The following CDC73 variants were observed in gnomAD, a reference collection of about 807,000 sequenced individuals.
The protein encoded by CDC73 is cell division cycle 73.
CDC73 carries 21 observed loss-of-function variants against 83.7 expected under a neutral mutation model. The observed-to-expected ratio is 0.25, with a 90% CI of 0.18 to 0.36. The LOEUF (loss-of-function observed/expected upper bound fraction) is 0.36. CDC73 is among the 10% of genes least tolerant of loss of function. The pLI is 1.00. For synonymous variants in CDC73, 224 were observed against 212.9 expected, an observed-to-expected ratio of 1.05 and a Z score of -0.45; for missense variants, 342 against 653.3, an observed-to-expected ratio of 0.52 and a Z score of 5.19.
At chr1:193,219,539 T>C (rs1453170729) in intron 13 of CDC73, among the ~76,000 whole-genome samples, 2 of 152,142 alleles carry the variant, frequency 1.3e-5, no homozygotes, top group Non-Finnish European at 2.9e-5. Flanking sequence ...GGTACATACA[T>C]GCCACGGAAT....
At chr1:193,163,151 T>TTGTGTG (rs57194967) in intron 10 of CDC73, among the ~76,000 whole-genome samples, 3 of 39,826 alleles carry the variant, frequency 7.5e-5, no homozygotes, top group South Asian at 1.7e-3. Context: ...CTTTGTGGGG[T>TTGTGTG]TGTGTGTGTG....
intron 15 of CDC73, among the ~76,000 whole-genome samples, chr1:193,239,354 A>G (rs138876876): frequency 6.6e-6 from 1 of 152,172 alleles, no homozygotes; most frequent in African/African-American, 2.4e-5. Context: ...ATTACACTGT[A>G]CAGCATTGGG....
At chr1:193,205,815 G>A (rs530943278) in intron 11 of CDC73, among the ~76,000 whole-genome samples, 1 of 152,284 alleles carries the variant, frequency 6.6e-6, no homozygotes, top group African/African-American at 2.4e-5. Flanking sequence ...GAAGAAAAAA[G>A]TGAAGGAAAT....
intron 10 of CDC73, among the ~76,000 whole-genome samples, chr1:193,171,955 T>C (rs542547719): frequency 2.6e-5 from 4 of 152,204 alleles, no homozygotes; most frequent in African/African-American, 7.2e-5. Flanking sequence ...TGAGACAGAG[T>C]CTTTCTCTGT....
chr1:193,139,815 G>T (rs1408827129), intron 6 of CDC73, among the ~76,000 whole-genome samples: 1 of 152,192 alleles, frequency 6.6e-6, no homozygotes, highest in Non-Finnish European at 1.5e-5. Context: ...ACTGAGGGAA[G>T]ACCATTCTGA....
At chr1:193,188,325 C>G (rs528764896) in intron 10 of CDC73, among the ~76,000 whole-genome samples, 2 of 152,052 alleles carry the variant, frequency 1.3e-5, no homozygotes, top group Non-Finnish European at 2.9e-5. Context: ...GGAATTGAAG[C>G]AAGATTATCT....
intron 13 of CDC73, among the ~76,000 whole-genome samples, chr1:193,223,794 G>A (rs1405932150): frequency 1.3e-5 from 2 of 151,404 alleles, no homozygotes; most frequent in East Asian, 3.9e-4. Context: ...TTTTCACTTG[G>A]TCTTTGGTCT....
rs768713729 is a variant in CDC73, at chr1:193,249,720, C to T, written c.1418-10C>T. 7 of 1,601,920 alleles carry T rather than the reference C, an allele frequency of 4.4e-6. No homozygotes were observed. In the African/African-American group the frequency reaches 5.4e-5, roughly 12 times the overall value. The stretch of plus-strand genomic sequence containing the variant: ...GTAAAAATGATAACTTCTCTCCACC[C>T]TCTCTATAGTTAAAGCCTTCCATCT... On this transcript the variant is annotated splice_polypyrimidine_tract_variant and intron_variant, in intron 15 of 16. Coordinates refer to ENST00000367435, the MANE Select transcript of CDC73 (RefSeq NM_024529.5).
chr1:193,141,938 C>G lies in CDC73; in HGVS notation c.601C>G (p.Leu201Val), dbSNP rs1675913292. Residue 201 changes from leucine to valine, a missense_variant, in exon 7 of 17, where the codon CTA (leucine) becomes GTA (valine). Physicochemically the swap from Leu to Val is conservative, Grantham distance 32. Transcript: ENST00000367435. ...GAAAAGATCTACTATCAAGACTGAT[C>G]TAGATGATGACATAACTGCCCTTAA... Reference protein sequence around the residue: ...AKKRSTIKTDLDDDITALKQR... With the variant: ...AKKRSTIKTDVDDDITALKQR... 1 of 1,613,564 alleles carries G rather than the reference C, an allele frequency of 6.2e-7. No individual in the cohort carries two copies. The highest frequency in any genetic ancestry group is 8.5e-7 in the Non-Finnish European group (1 of 1,179,706).
intron 10 of CDC73, among the ~76,000 whole-genome samples, chr1:193,158,416 C>T (rs892051510): frequency 2.6e-5 from 4 of 151,612 alleles, no homozygotes; most frequent in African/African-American, 9.7e-5. Context: ...AATCCTAGAA[C>T]TTTGGGAGGC....
chr1:193,237,649 G>A (rs905519100), intron 15 of CDC73, among the ~76,000 whole-genome samples: 13 of 152,100 alleles, frequency 8.5e-5, no homozygotes, highest in African/African-American at 2.7e-4. Flanking sequence ...TGGTGACCAC[G>A]TTAATTACCC....
chr1:193,233,325 A>C (rs1329015449), intron 14 of CDC73, among the ~76,000 whole-genome samples, 171 bp downstream of exon 14: 1 of 152,240 alleles, frequency 6.6e-6, no homozygotes, highest in Non-Finnish European at 1.5e-5. Flanking sequence ...GCTCCCAAAT[A>C]GCTAGGACTA....
chr1:193,161,069 C>T (rs887469525), intron 10 of CDC73: 1 of 169,534 alleles, frequency 5.9e-6, no homozygotes, highest in Admixed American at 6.4e-5. Flanking sequence ...TCCCCTCCCC[C>T]ATCCTACCAA....
intron 4 of CDC73, 42 bp downstream of exon 4, chr1:193,135,495 A>C: frequency 6.2e-7 from 1 of 1,609,528 alleles, no homozygotes; most frequent in Non-Finnish European, 8.5e-7. Flanking sequence ...TCAGAAGCCC[A>C]TTCCAAAACT....
intron 3 of CDC73, among the ~76,000 whole-genome samples, chr1:193,134,466 C>A (rs918349911): frequency 2.6e-5 from 4 of 151,904 alleles, no homozygotes; most frequent in African/African-American, 9.7e-5. Flanking sequence ...GTCAGGAGAT[C>A]GAGACCATTC....
chr1:193,150,228 G>C, intron 8 of CDC73, 76 bp from the exon 9 acceptor site: 2 of 1,031,654 alleles, frequency 1.9e-6, no homozygotes, highest in Non-Finnish European at 1.5e-6. Flanking sequence ...CCATGGTCAT[G>C]CTACTGCACT....
chr1:193,159,663 C>G (rs957740569), intron 10 of CDC73, among the ~76,000 whole-genome samples: 10 of 152,054 alleles, frequency 6.6e-5, no homozygotes, highest in Non-Finnish European at 1.3e-4. Context: ...TGCCCGGCCT[C>G]CTTTCACTGC....
chr1:193,180,978 A>G (rs755974040), intron 10 of CDC73: 5 of 1,613,374 alleles, frequency 3.1e-6, no homozygotes, highest in Non-Finnish European at 4.2e-6. Context: ...CATTTAGCTT[A>G]ATACTTAAGC....
intron 11 of CDC73, 52 bp downstream of exon 11, chr1:193,203,904 G>C: frequency 6.8e-7 from 1 of 1,480,398 alleles, no homozygotes; most frequent in Non-Finnish European, 9.4e-7. Context: ...TCGTAACAGT[G>C]CAAGTTTTTA....
Sources: gnomAD v4.1 joint callset for allele counts (sites outside exome capture counted in the v4.1 genomes callset) on GRCh38, gnomAD v4.1.1 for gene constraint, MANE v1.5 for transcripts, NCBI Gene and HGNC (gene_info 2026-07-23, HGNC 2026-07-21) for gene names.